SGK2: variants seen among roughly 807,000 people sequenced by gnomAD.
SGK2 encodes serine/threonine-protein kinase Sgk2.
Under a neutral mutation model 47.5 loss-of-function variants are expected in SGK2, and 36 were observed. That is an observed-to-expected ratio of 0.76 (90% CI 0.58 to 1.00). The LOEUF (loss-of-function observed/expected upper bound fraction) is 1.00, where lower values mean the gene tolerates loss of function less well. Ranked by LOEUF, SGK2 falls within the 50% of genes least tolerant of loss-of-function variation. The pLI is 0.00. For missense variants in SGK2, 404 were observed against 467.4 expected (o/e 0.86, Z 1.25); for synonymous variants, 157 against 181.9 (o/e 0.86, Z 1.10).
chr20:43,574,874 G>T lies in SGK2; in HGVS notation c.598-35G>T, dbSNP rs370067427. ...ACAGCTGGGGCAACTGAGGCTTAAC[G>T]ACTTATTTCAAATAAGTGTGTTTCC... On this transcript the variant is annotated intron_variant, in intron 9 of 12. Coordinates refer to ENST00000373100, the MANE Select transcript of SGK2 (RefSeq NM_170693.3). 3.9e-6 allele frequency: 6 copies of T among 1,533,216 alleles called. No individual in the cohort carries two copies. In the African/African-American group the frequency reaches 6.8e-5, roughly 17 times the overall value. The allele number at this position is 1,533,216 out of a possible 1,614,324, so 95.0% of individuals were successfully genotyped here.
At chr20:43,578,955 G>A (rs1207970041) in intron 11 of SGK2, among the ~76,000 whole-genome samples, 1 of 151,226 alleles carries the variant, frequency 6.6e-6, no homozygotes, top group African/African-American at 2.4e-5. Context: ...CAGCCACCCA[G>A]TTCCTCAATT....
chr20:43,562,538 C>T (rs879441604), intron 1 of SGK2, among the ~76,000 whole-genome samples: 47 of 150,450 alleles, frequency 3.1e-4, no homozygotes, highest in Non-Finnish European at 6.0e-4. Context: ...GTCAGGAGTT[C>T]GAGACCAGCC....
At chr20:43,562,259 C>CA (rs576129861) in intron 1 of SGK2, among the ~76,000 whole-genome samples, 83 of 148,582 alleles carry the variant, frequency 5.6e-4, no homozygotes, top group South Asian at 8.5e-4. Flanking sequence ...ACAAAAAGTA[C>CA]AAAAAAAAAT....
intron 7 of SGK2, 117 bp downstream of exon 7, chr20:43,570,846 TG>T: frequency 1.6e-6 from 2 of 1,265,210 alleles, no homozygotes; most frequent in Non-Finnish European, 2.2e-6. Flanking sequence ...TTGTTTTGGG[TG>T]GGGTTGGAGT....
At chr20:43,579,932 G>T in intron 11 of SGK2, 40 bp from the exon 12 acceptor site, 1 of 1,389,904 alleles carries the variant, frequency 7.2e-7, no homozygotes, top group Non-Finnish European at 1.0e-6. Context: ...CATGGGGAGG[G>T]CTACTTCTAA....
At chr20:43,584,718 A>G in intron 12 of SGK2, 134 bp from the exon 13 acceptor site, 1 of 692,182 alleles carries the variant, frequency 1.4e-6, no homozygotes, top group East Asian at 2.5e-5. Context: ...ATGCACAGGA[A>G]AGTGACAGTC....
intron 5 of SGK2, among the ~76,000 whole-genome samples, chr20:43,568,370 G>C (rs1979878434): frequency 6.6e-6 from 1 of 152,248 alleles, no homozygotes; most frequent in Non-Finnish European, 1.5e-5. Context: ...GAGTGCAGTA[G>C]TGCAATCACA....
intron 12 of SGK2, among the ~76,000 whole-genome samples, chr20:43,581,064 A>G (rs954787531): frequency 2.0e-5 from 3 of 151,794 alleles, no homozygotes; most frequent in African/African-American, 7.3e-5. Flanking sequence ...TTTAGCAGAG[A>G]TGGGGTTTCA....
At position 43,567,683 on chromosome 20, in the gene SGK2, C is replaced by T. The variant is rs961603791; in HGVS notation, c.105C>T (p.Phe35=). The change falls in exon 4 of 13, where the codon TTC becomes TTT. Residue 35 remains phenylalanine, a synonymous_variant. Transcript: ENST00000373100. ...CCCCCAGTGCCCAGCCCACGGACTT[C>T]GACTTCCTCAAAGTCATCGGCAAAG... is the stretch of plus-strand genomic sequence containing the variant. ...SANPNAQPTD[F]DFLKVIGKGN... 4 of 1,614,178 alleles carry T rather than the reference C, an allele frequency of 2.5e-6. No homozygotes were observed. Among genetic ancestry groups the T allele is most frequent in the Non-Finnish European group, 3.4e-6 (4 of 1,180,028 alleles).
intron 11 of SGK2, 117 bp downstream of exon 11, chr20:43,576,496 T>C: frequency 1.2e-6 from 1 of 808,114 alleles, no homozygotes; most frequent in Non-Finnish European, 1.9e-6. Flanking sequence ...CACTGCTCAC[T>C]TGTTCATTTG....
At chr20:43,566,330 T>C (rs1218781859) in intron 1 of SGK2, 143 bp from the exon 2 acceptor site, 1 of 1,611,594 alleles carries the variant, frequency 6.2e-7, no homozygotes. Flanking sequence ...AGGGGTTGCT[T>C]ACCTCGGGTA....
intron 6 of SGK2, 30 bp downstream of exon 6, chr20:43,569,546 G>A (rs772839490): frequency 4.4e-6 from 7 of 1,608,854 alleles, no homozygotes; most frequent in Non-Finnish European, 5.9e-6. Flanking sequence ...GGCTTCCCTG[G>A]GCTGGCTCTC....
Position 43,570,627 on chromosome 20 carries a change from A to T in SGK2, c.371A>T (p.His124Leu). Residue 124 changes from histidine (H) to leucine (L), a missense_variant, in exon 7 of 13, where the codon CAC (histidine) becomes CTC (leucine). His to Leu is a moderately conservative substitution (Grantham distance 99). Transcript: ENST00000373100. ...CCTCCTCCCCTCCAGCTCTTCTTCC[A>T]CCTGCAGCGGGAGCGCCGGTTCCTG... ...DYVNGGELFF[H>L]LQRERRFLEP... is the part of the protein sequence containing the mutation. 2 of 1,606,460 alleles carry T rather than the reference A, an allele frequency of 1.2e-6. No homozygotes were observed. The highest frequency in any genetic ancestry group is 1.7e-6 in the Non-Finnish European group (2 of 1,175,152).
intron 1 of SGK2, among the ~76,000 whole-genome samples, chr20:43,563,878 C>T (rs906975599): frequency 1.3e-5 from 2 of 152,228 alleles, no homozygotes; most frequent in Non-Finnish European, 2.9e-5. Flanking sequence ...ACTGTGCACT[C>T]AGGTTTTCTC....
intron 11 of SGK2, among the ~76,000 whole-genome samples, chr20:43,576,830 T>TA (rs147765483): frequency 2.6e-3 from 389 of 152,326 alleles, no homozygotes; most frequent in Middle Eastern, 6.8e-3. Flanking sequence ...TAATCCTGGC[T>TA]ACTTAGTAGG....
intron 7 of SGK2, 81 bp downstream of exon 7, chr20:43,570,810 G>T (rs1031366243): frequency 1.5e-6 from 2 of 1,311,274 alleles, no homozygotes; most frequent in Non-Finnish European, 1.1e-6. Context: ...ACTAAATCCT[G>T]ATGAAATCCT....
chr20:43,564,364 G>A (rs1173445049), intron 1 of SGK2, among the ~76,000 whole-genome samples: 1 of 152,332 alleles, frequency 6.6e-6, no homozygotes, highest in Non-Finnish European at 1.5e-5. Flanking sequence ...AACATCTGCA[G>A]GTTTTTGGGA....
intron 9 of SGK2, among the ~76,000 whole-genome samples, chr20:43,574,352 C>G (rs1327165987): frequency 2.6e-5 from 4 of 152,166 alleles, no homozygotes; most frequent in Non-Finnish European, 5.9e-5. Context: ...CCTTCCTGAC[C>G]CTCTCGTCTG....
chr20:43,559,702 G>A (rs1056727332), intron 1 of SGK2, among the ~76,000 whole-genome samples: 12 of 152,210 alleles, frequency 7.9e-5, no homozygotes, highest in African/African-American at 1.9e-4. Context: ...GCATGGGATC[G>A]GAGGGTCATC....
Sources: allele counts gnomAD v4.1 joint callset (sites outside exome capture counted in the v4.1 genomes callset), GRCh38; gene constraint gnomAD v4.1.1; transcripts MANE v1.5; gene names NCBI Gene and HGNC (gene_info 2026-07-23, HGNC 2026-07-21).